Variants in DUSP11 observed in about 807,000 individuals in gnomAD.
DUSP11 encodes dual specificity phosphatase 11.
In DUSP11, 27 loss-of-function variants were observed where a neutral mutation model predicts 41.4. The observed-to-expected ratio is 0.65, with a 90% confidence interval of 0.48 to 0.90. DUSP11 has a LOEUF of 0.90. Ranked by LOEUF, DUSP11 falls within the 40% of genes least tolerant of loss-of-function variation. DUSP11 has a pLI of 0.00. For missense variants in DUSP11, 465 were observed against 461.1 expected, an observed-to-expected ratio of 1.01 and a Z score of -0.08; for synonymous variants, 188 against 159.3, an observed-to-expected ratio of 1.18 and a Z score of -1.35.
Position 73,762,886 on chromosome 2 carries a change from C to G in DUSP11, c.936-27G>C, listed in dbSNP as rs771556951. The G allele has an allele frequency of 2.7e-5, 32 of 1,188,450 alleles. No homozygotes were observed. In the East Asian group the frequency reaches 7.7e-4, roughly 29 times the overall value. 73.6% of individuals were successfully genotyped at this position (1,188,450 alleles called of 1,614,324 possible). A position where few individuals can be genotyped will look rare whatever the true frequency, so the allele number is the denominator to read the frequency against. On this transcript the variant is annotated intron_variant, in intron 8 of 8. Coordinates refer to ENST00000272444, the Ensembl canonical transcript of DUSP11. ...TTAAAGCAAAACAAAAAGTAATAAG[C>G]CATTACTAGGATTAATACAATAATT...
At chr2:73,763,929 T>C (rs907883324) in intron 8 of DUSP11, among the ~76,000 whole-genome samples, 2 of 152,202 alleles carry the variant, frequency 1.3e-5, no homozygotes, top group African/African-American at 2.4e-5. Context: ...TAAAATGTTA[T>C]AGTATGGATA....
intron 7 of DUSP11, 66 bp from the exon 8 acceptor site, chr2:73,766,660 T>C: frequency 2.7e-6 from 4 of 1,480,792 alleles, no homozygotes; most frequent in Middle Eastern, 1.8e-4. Flanking sequence ...TTAGTGACTA[T>C]ATTTTGGCAT....
rs555530531 is a variant in DUSP11, at chr2:73,774,280, G to T, written c.451-357C>A. On this transcript the variant is annotated intron_variant, in intron 3 of 8. Transcript: ENST00000272444. Reference sequence around the variant, plus strand: ...CAGCTATGATTTAAGTAGAAGAGTAGAGAATAGAGTCAGAAGAACTTGGAT... The same window carrying T: ...CAGCTATGATTTAAGTAGAAGAGTATAGAATAGAGTCAGAAGAACTTGGAT... Among the ~76,000 whole-genome samples, 13 of 152,314 alleles carry T rather than the reference G, an allele frequency of 8.5e-5. 1 individual carries two copies. The highest frequency in any genetic ancestry group is 3.1e-4 in the African/African-American group (13 of 41,576).
At chr2:73,777,405 A>T (rs1266061629) in intron 2 of DUSP11, among the ~76,000 whole-genome samples, 2 of 152,228 alleles carry the variant, frequency 1.3e-5, no homozygotes. Flanking sequence ...TCCTGATACT[A>T]ATCTGAGCTA....
Position 73,775,093 on chromosome 2 carries a change from C to G in DUSP11, c.319-49G>C, listed in dbSNP as rs1181125700. 1.5e-5 allele frequency: 22 copies of G among 1,516,828 alleles called. No individual in the cohort carries two copies. In the Admixed American group the frequency reaches 4.2e-4, roughly 29 times the overall value. The allele number at this position is 1,516,828 out of a possible 1,614,324, so 94.0% of individuals were successfully genotyped here. A position where few individuals can be genotyped will look rare whatever the true frequency, so the allele number is the denominator to read the frequency against. Reference sequence around the variant, plus strand: ...GCAAATATGTGCTTAAAATCCTGTACTACATTAGGCATTTATTCAAGTCCT... The same window carrying G: ...GCAAATATGTGCTTAAAATCCTGTAGTACATTAGGCATTTATTCAAGTCCT... On this transcript the variant is annotated intron_variant, in intron 2 of 8. Transcript: ENST00000272444.
intron 1 of DUSP11, chr2:73,779,619 G>T (rs1331543390): frequency 1.7e-6 from 1 of 580,318 alleles, no homozygotes; most frequent in African/African-American, 1.9e-5. Context: ...CCACCTTAAA[G>T]CAATCCTTCC....
chr2:73,772,643 T>C (rs1238222836), intron 4 of DUSP11, among the ~76,000 whole-genome samples: 1 of 152,216 alleles, frequency 6.6e-6, no homozygotes, highest in South Asian at 2.1e-4. Context: ...TGTACCCTCA[T>C]ATCTTAAAAG....
intron 2 of DUSP11, 32 bp downstream of exon 2, chr2:73,778,269 C>A (rs759212007): frequency 4.0e-5 from 59 of 1,477,484 alleles, no homozygotes; most frequent in Middle Eastern, 1.7e-4. Context: ...AACTCAGATG[C>A]CTGAAAGAAT....
intron 2 of DUSP11, among the ~76,000 whole-genome samples, chr2:73,777,853 T>A (rs1014266060): frequency 1.1e-4 from 17 of 152,182 alleles, no homozygotes; most frequent in African/African-American, 3.9e-4. Flanking sequence ...TATATTGAAT[T>A]TTCCAGGATA....
intron 5 of DUSP11, 55 bp from the exon 6 acceptor site, chr2:73,767,262 T>G: frequency 1.4e-6 from 2 of 1,462,476 alleles, no homozygotes; most frequent in Non-Finnish European, 1.9e-6. Context: ...AAAATCAAGT[T>G]TTTTCAAAAA....
chr2:73,768,682 C>T (rs887243472), intron 5 of DUSP11: 21 of 985,190 alleles, frequency 2.1e-5, no homozygotes, highest in Middle Eastern at 5.2e-4. Context: ...TCTGGCCAGG[C>T]GCGGTGGCTC....
rs1242237067 is a variant in DUSP11 at position 73,766,409 on chromosome 2, G to C, written c.935+9C>G. On this transcript the variant is annotated intron_variant, in intron 8 of 8. Transcript: ENST00000272444. Reference sequence around the variant, plus strand: ...TCAATTCTAGAAAAGGGAAAACAGAGAGAGGTACCTGACTGATTGTTGCAA... The same window carrying C: ...TCAATTCTAGAAAAGGGAAAACAGACAGAGGTACCTGACTGATTGTTGCAA... 1.1e-5 allele frequency: 18 copies of C among 1,595,840 alleles called. No homozygotes were observed. In the Admixed American group the frequency reaches 2.7e-4, roughly 24 times the overall value.
At chr2:73,767,319 A>G (rs1672483965) in intron 5 of DUSP11, 112 bp from the exon 6 acceptor site, 2 of 782,204 alleles carry the variant, frequency 2.6e-6, no homozygotes, top group Non-Finnish European at 4.3e-6. Flanking sequence ...TCCTAAGAAA[A>G]TATCAGCACA....
At chr2:73,773,264 T>A (rs1483814629) in intron 4 of DUSP11, 1 of 154,954 alleles carries the variant, frequency 6.5e-6, no homozygotes, top group Non-Finnish European at 1.4e-5. Flanking sequence ...ACAGCAGAAA[T>A]ATCTTTTTTT....
chr2:73,774,102 T>C (rs750902067), intron 3 of DUSP11, among the ~76,000 whole-genome samples, 179 bp from the exon 4 acceptor site: 3 of 152,188 alleles, frequency 2.0e-5, no homozygotes, highest in Admixed American at 6.5e-5. Context: ...CCAGGAAGTA[T>C]CACTTGATTT....
At chr2:73,774,358 G>A (rs999727428) in intron 3 of DUSP11, among the ~76,000 whole-genome samples, 2 of 152,136 alleles carry the variant, frequency 1.3e-5, no homozygotes, top group Non-Finnish European at 2.9e-5. Flanking sequence ...CGATATTCTT[G>A]GGGTGGGAGA....
exon 8 of DUSP11, chr2:73,766,453 G>A: frequency 6.2e-7 from 1 of 1,613,476 alleles, no homozygotes; most frequent in Non-Finnish European, 8.5e-7. Flanking sequence ...TCTGGGTGTG[G>A]AAATGTCGAG....
At chr2:73,770,407 C>T (rs753886348) in intron 4 of DUSP11, among the ~76,000 whole-genome samples, 34 of 151,126 alleles carry the variant, frequency 2.2e-4, no homozygotes, top group Non-Finnish European at 4.1e-4. Flanking sequence ...CCCAGCTACT[C>T]GGGAGGCTGA....
At chr2:73,768,414 A>G in intron 5 of DUSP11, 1 of 977,074 alleles carries the variant, frequency 1.0e-6, no homozygotes, top group Non-Finnish European at 1.2e-6. Flanking sequence ...CACATAATAG[A>G]TGCTCAGGAG....
Sources: gnomAD v4.1 joint callset for allele counts (sites outside exome capture counted in the v4.1 genomes callset) on GRCh38, gnomAD v4.1.1 for gene constraint, MANE v1.5 for transcripts, NCBI Gene and HGNC (gene_info 2026-07-23, HGNC 2026-07-21) for gene names.